CNTN4: variants seen among roughly 807,000 people sequenced by gnomAD.
CNTN4 encodes contactin 4.
Under a neutral mutation model 122.5 loss-of-function variants are expected in CNTN4, and 77 were observed. That is an observed-to-expected ratio of 0.63 (90% CI 0.52 to 0.76). CNTN4 has a LOEUF of 0.76. Among genes scored for constraint, CNTN4 ranks in the 30% least tolerant of loss-of-function variants. The probability of loss-of-function intolerance (pLI) is 0.00; values close to 1 mark genes in which losing one functional copy is unlikely to be tolerated. For synonymous variants in CNTN4, 512 were observed against 447.0 expected (o/e 1.15, Z -1.83); for missense variants, 1,256 against 1,259.1 (o/e 1.00, Z 0.04).
intron 12 of CNTN4, among the ~76,000 whole-genome samples, chr3:2,916,172 T>C (rs1267767039): frequency 6.6e-6 from 1 of 152,266 alleles, no homozygotes; most frequent in Non-Finnish European, 1.5e-5. Context: ...GTAAATTTTA[T>C]GTTATGTACT....
chr3:2,246,154 G>GT (rs202002038), intron 2 of CNTN4, among the ~76,000 whole-genome samples: 188 of 151,734 alleles, frequency 1.2e-3, no homozygotes, highest in African/African-American at 3.8e-3. Flanking sequence ...GCACTGATGT[G>GT]TTTTTTTAAA....
chr3:2,283,221 G>T (rs541689854), intron 2 of CNTN4, among the ~76,000 whole-genome samples: 1 of 152,074 alleles, frequency 6.6e-6, no homozygotes, highest in Non-Finnish European at 1.5e-5. Flanking sequence ...GAAGACAAAA[G>T]AAATTGGTGG....
At chr3:2,582,220 C>T (rs2079976138) in intron 4 of CNTN4, among the ~76,000 whole-genome samples, 1 of 152,210 alleles carries the variant, frequency 6.6e-6, no homozygotes, top group Admixed American at 6.5e-5. Context: ...CTGAGAGACA[C>T]TGTCTGCTGT....
intron 6 of CNTN4, among the ~76,000 whole-genome samples, chr3:2,799,792 C>A (rs1282879294): frequency 6.6e-6 from 1 of 152,044 alleles, no homozygotes; most frequent in Non-Finnish European, 1.5e-5. Flanking sequence ...TTTCACATAG[C>A]TCGAGTTTAT....
intron 3 of CNTN4, among the ~76,000 whole-genome samples, chr3:2,399,901 T>C (rs896064890): frequency 6.6e-6 from 1 of 152,088 alleles, no homozygotes; most frequent in Admixed American, 6.6e-5. Context: ...AATCTACTTG[T>C]AAAGAGTAAC....
chr3:2,489,210 T>C (rs553554021), intron 3 of CNTN4, among the ~76,000 whole-genome samples: 1 of 152,304 alleles, frequency 6.6e-6, no homozygotes, highest in South Asian at 2.1e-4. Flanking sequence ...AAAATTATTT[T>C]TGCCCTCTCA....
chr3:2,703,651 T>A (rs1305236246), intron 4 of CNTN4, among the ~76,000 whole-genome samples: 1 of 151,682 alleles, frequency 6.6e-6, no homozygotes, highest in Non-Finnish European at 1.5e-5. Context: ...AGATAAAAAA[T>A]AAAACCATAA....
chr3:2,733,320 G>A (rs920958852), intron 4 of CNTN4, among the ~76,000 whole-genome samples: 1 of 152,152 alleles, frequency 6.6e-6, no homozygotes, highest in African/African-American at 2.4e-5. Context: ...TGCTTTATTA[G>A]TGATCTTGAC....
intron 4 of CNTN4, among the ~76,000 whole-genome samples, chr3:2,609,067 A>G (rs2081374933): frequency 6.6e-6 from 1 of 152,164 alleles, no homozygotes. Flanking sequence ...GGAAACACTG[A>G]TTTTTCTACG....
rs1559820148 is a variant in CNTN4 at position 3,038,939 on chromosome 3, A to G, written c.2099A>G (p.Glu700Gly). The G allele has an allele frequency of 6.2e-7, 1 of 1,614,068 alleles. No homozygotes were observed. Among genetic ancestry groups the G allele is most frequent in the Non-Finnish European group, 8.5e-7 (1 of 1,179,964 alleles). ...TTTTTGTCTCCTTGTGCAGTCCCCGAAGTCACACCAGCGAATGTCAGTGGT... is the reference window on the plus strand; with the variant it reads ...TTTTTGTCTCCTTGTGCAGTCCCCGGAGTCACACCAGCGAATGTCAGTGGT... ...EKRRTEEALPEVTPANVSGGG... is the reference protein window; with the variant it reads ...EKRRTEEALPGVTPANVSGGG... Residue 700 changes from glutamate to glycine, a missense_variant, in exon 19 of 25, where the codon GAA becomes GGA. Glu to Gly is a moderately conservative substitution (Grantham distance 98). Transcript: ENST00000418658.
intron 13 of CNTN4, among the ~76,000 whole-genome samples, chr3:2,952,383 T>G (rs2094754741): frequency 1.3e-5 from 2 of 152,194 alleles, no homozygotes; most frequent in African/African-American, 4.8e-5. Context: ...AGCAAGTCAC[T>G]TAATTTATTG....
At chr3:2,120,065 A>G (rs996983953) in intron 2 of CNTN4, among the ~76,000 whole-genome samples, 2 of 152,024 alleles carry the variant, frequency 1.3e-5, no homozygotes, top group African/African-American at 4.8e-5. Flanking sequence ...CAACGAAGAC[A>G]GCATGTAAGG....
At chr3:2,144,101 T>C (rs1430160716) in intron 2 of CNTN4, 3 of 152,136 alleles carry the variant, frequency 2.0e-5, no homozygotes, top group African/African-American at 7.2e-5. Context: ...GAGAAAGAAA[T>C]AGAGGGTGTA....
chr3:2,153,658 C>T (rs1461381269), intron 2 of CNTN4, among the ~76,000 whole-genome samples: 2 of 151,500 alleles, frequency 1.3e-5, no homozygotes, highest in Admixed American at 1.3e-4. Flanking sequence ...GTACTTTATT[C>T]TGAGCGGGGA....
chr3:2,614,316 C>T (rs552480609), intron 4 of CNTN4, among the ~76,000 whole-genome samples: 3 of 151,932 alleles, frequency 2.0e-5, no homozygotes, highest in Non-Finnish European at 2.9e-5. Context: ...GAGAGGTATG[C>T]GAAGACTAGA....
chr3:2,252,684 C>G (rs147941886), intron 2 of CNTN4, among the ~76,000 whole-genome samples: 7 of 152,150 alleles, frequency 4.6e-5, no homozygotes, highest in African/African-American at 1.4e-4. Context: ...ACTTAACTCA[C>G]ACACTAAGAA....
chr3:2,770,524 G>A (rs559766844), intron 6 of CNTN4, among the ~76,000 whole-genome samples: 3 of 152,292 alleles, frequency 2.0e-5, no homozygotes, highest in Admixed American at 6.5e-5. Context: ...CCAAAGAAAA[G>A]GTATCATAAA....
intron 3 of CNTN4, among the ~76,000 whole-genome samples, chr3:2,551,648 T>A (rs570967902): frequency 6.6e-6 from 1 of 152,250 alleles, no homozygotes; most frequent in Non-Finnish European, 1.5e-5. Context: ...CAAAATCAGT[T>A]TGTTAGGCAT....
intron 3 of CNTN4, among the ~76,000 whole-genome samples, chr3:2,502,885 C>T (rs2076634467): frequency 6.6e-6 from 1 of 151,996 alleles, no homozygotes; most frequent in South Asian, 2.1e-4. Flanking sequence ...CCTGTTATCA[C>T]TGATACTCAT....
Sources: gnomAD v4.1 joint callset for allele counts (sites outside exome capture counted in the v4.1 genomes callset) on GRCh38, gnomAD v4.1.1 for gene constraint, MANE v1.5 for transcripts, NCBI Gene and HGNC (gene_info 2026-07-23, HGNC 2026-07-21) for gene names.